CD27: variants seen among roughly 807,000 people sequenced by gnomAD.
The protein encoded by CD27 is CD27 molecule, also known as CD27 antigen.
In CD27, 16 loss-of-function variants were observed where a neutral mutation model predicts 25.9. That is an observed-to-expected ratio of 0.62 (90% CI 0.42 to 0.94). CD27 has a LOEUF of 0.94. Among genes scored for constraint, CD27 ranks in the 40% least tolerant of loss-of-function variants. CD27 has a pLI of 0.00. For synonymous variants in CD27, 142 were observed against 124.3 expected (o/e 1.14, Z -0.95); for missense variants, 300 against 333.2 (o/e 0.90, Z 0.78).
intron 2 of CD27, among the ~76,000 whole-genome samples, chr12:6,446,361 G>A (rs1949416910): frequency 2.0e-5 from 3 of 152,182 alleles, no homozygotes; most frequent in Non-Finnish European, 4.4e-5. Context: ...GAGTGCAGTG[G>A]TGCAATCATA....
intron 2 of CD27, among the ~76,000 whole-genome samples, chr12:6,446,184 G>T (rs1295230122): frequency 6.6e-6 from 1 of 152,160 alleles, no homozygotes; most frequent in East Asian, 1.9e-4. Context: ...AGGCTTTAAA[G>T]TGGCCCCTTT....
intron 2 of CD27, among the ~76,000 whole-genome samples, chr12:6,449,802 G>C (rs1949486874): frequency 6.6e-6 from 1 of 151,882 alleles, no homozygotes; most frequent in South Asian, 2.1e-4. Context: ...ACGAGCCAAG[G>C]TCACGCCATT....
In CD27 at chr12:6,450,252, G is replaced by A; in HGVS notation, c.348G>A (p.Glu116=). 4 of 1,613,890 alleles carry A rather than the reference G, an allele frequency of 2.5e-6. No individual in the cohort carries two copies. The highest frequency in any genetic ancestry group is 2.2e-5 in the East Asian group (1 of 44,884). ...CRNGWQCRDK[E]CTECDPLPNP... ...ATGGCTGGCAGTGCAGGGACAAGGA[G>A]TGCACCGAGTGTGATCCTCTTCCAA... The change falls in exon 3 of 6, where the codon GAG becomes GAA. Residue 116 remains glutamate (E), a synonymous_variant. Transcript: ENST00000266557. This position sits in a 1 kb window ranked among gnomAD's most constrained non-coding sequence, Gnocchi z 4.1.
In CD27 at chr12:6,450,096, G is replaced by A; in HGVS notation, c.269-77G>A. The A allele has an allele frequency of 7.3e-7, 1 of 1,361,106 alleles. No individual in the cohort carries two copies. Among genetic ancestry groups the A allele is most frequent in the African/African-American group, 1.4e-5 (1 of 70,322 alleles). The allele number at this position is 1,361,106 out of a possible 1,614,324, so 84.3% of individuals were successfully genotyped here. On this transcript the variant is annotated intron_variant, in intron 2 of 5. Coordinates refer to ENST00000266557, the MANE Select transcript of CD27 (RefSeq NM_001242.5). This position sits in a 1 kb window ranked among gnomAD's most constrained non-coding sequence, Gnocchi z 4.1. Reference sequence around the variant, plus strand: ...TAGAGGTGGGCCTGGGATGGGGGTTGGGGGATGAAGCAAGTGGACCTTGAA... The same window carrying A: ...TAGAGGTGGGCCTGGGATGGGGGTTAGGGGATGAAGCAAGTGGACCTTGAA...
chr12:6,445,939 ATCTT>A lies in CD27; in HGVS notation c.268+388_268+391del, dbSNP rs1949409894. 6.6e-6 allele frequency among the ~76,000 whole-genome samples: 1 copy of A among 152,204 alleles called. No individual in the cohort carries two copies. On this transcript the variant is annotated intron_variant, in intron 2 of 5. Coordinates refer to ENST00000266557, the MANE Select transcript of CD27 (RefSeq NM_001242.5). This position sits in a 1 kb window ranked among gnomAD's most constrained non-coding sequence, Gnocchi z 4.5. Reference sequence around the variant, plus strand: ...GTTGGCCATTGGGAATTTGGAATACATCTTTCTAAGGAAATAACAAAGCAACCCA... The same window carrying A: ...GTTGGCCATTGGGAATTTGGAATACATCTAAGGAAATAACAAAGCAACCCA...
Position 6,451,603 on chromosome 12 carries a change from C to A in CD27, c.*211C>A. ...GGAGAGTGGGAAGCAGGAGCCCAGC[C>A]AGCTGCGCCTGCGCTGCAGGAGGGC... On this transcript the variant is annotated 3_prime_UTR_variant, in exon 6 of 6. Transcript: ENST00000266557. 1 of 529,164 alleles carries A rather than the reference C, an allele frequency of 1.9e-6. No individual in the cohort carries two copies. 32.8% of individuals were successfully genotyped at this position (529,164 alleles called of 1,614,324 possible).
rs1372403785 is a variant in CD27, at chr12:6,445,051, A to C, written c.-45A>C. Reference sequence around the variant, plus strand: ...CTTGGAGGTGCTAACTCCAGAGGCCAGCATCAGCAACTGGGCACAGAAAGG... The same window carrying C: ...CTTGGAGGTGCTAACTCCAGAGGCCCGCATCAGCAACTGGGCACAGAAAGG... On this transcript the variant is annotated 5_prime_UTR_variant, in exon 1 of 6. Transcript: ENST00000266557. This position sits in a 1 kb window ranked among gnomAD's most constrained non-coding sequence, Gnocchi z 4.5. 6.4e-7 allele frequency: 1 copy of C among 1,567,560 alleles called. No individual in the cohort carries two copies. Among genetic ancestry groups the C allele is most frequent in the African/African-American group, 1.4e-5 (1 of 73,226 alleles).
At chr12:6,448,428 G>T (rs1040722113) in intron 2 of CD27, among the ~76,000 whole-genome samples, 1 of 152,034 alleles carries the variant, frequency 6.6e-6, no homozygotes, top group Non-Finnish European at 1.5e-5. Context: ...CCGCCCCCAG[G>T]ATAATTAACA....
chr12:6,445,063 T>G lies in CD27; in HGVS notation c.-33T>G, dbSNP rs1193858796. 6.3e-7 allele frequency: 1 copy of G among 1,581,718 alleles called. No homozygotes were observed. Among genetic ancestry groups the G allele is most frequent in the Non-Finnish European group, 8.6e-7 (1 of 1,167,602 alleles). ...AACTCCAGAGGCCAGCATCAGCAAC[T>G]GGGCACAGAAAGGAGCCGCCTGGGC... is the stretch of plus-strand genomic sequence containing the variant. On this transcript the variant is annotated 5_prime_UTR_variant, in exon 1 of 6. Transcript: ENST00000266557. The surrounding 1 kb of genome is among the most constrained non-coding windows in gnomAD (Gnocchi z 4.5).
At chr12:6,448,584 T>A (rs1949457642) in intron 2 of CD27, 1 of 152,226 alleles carries the variant, frequency 6.6e-6, no homozygotes, top group South Asian at 2.1e-4. Context: ...GCTAACACGG[T>A]GAAACCCCGT....
intron 2 of CD27, chr12:6,447,390 C>T (rs1436444050): frequency 6.6e-6 from 1 of 152,136 alleles, no homozygotes; most frequent in Non-Finnish European, 1.5e-5. Flanking sequence ...CCAATAGATC[C>T]CAAAGTACCA....
Position 6,451,309 on chromosome 12 carries a change from T to TCCCCAGGGAG in CD27, c.700_701insCCCCAGGGAG (p.Tyr234SerfsTer92). 1 of 1,614,032 alleles carries TCCCCAGGGAG rather than the reference T, an allele frequency of 6.2e-7. No homozygotes were observed. The highest frequency in any genetic ancestry group is 1.3e-5 in the African/African-American group (1 of 75,028). On this transcript the variant is annotated frameshift_variant, in exon 6 of 6. Transcript: ENST00000266557. LOFTEE classifies it high-confidence loss of function. ...TGTGGAGCCTGCAGAGCCTTGTCAT[T>TCCCCAGGGAG]ACAGCTGCCCCAGGGAGGAGGAGGG... is the stretch of plus-strand genomic sequence containing the variant.
chr12:6,445,925 G>A lies in CD27; in HGVS notation c.268+370G>A, dbSNP rs1949409689. ...GTGCACATGTGCAGGTTGGCCATTG[G>A]GAATTTGGAATACATCTTTCTAAGG... is the stretch of plus-strand genomic sequence containing the variant. On this transcript the variant is annotated intron_variant, in intron 2 of 5. Coordinates refer to ENST00000266557, the MANE Select transcript of CD27 (RefSeq NM_001242.5). This position sits in a 1 kb window ranked among gnomAD's most constrained non-coding sequence, Gnocchi z 4.5. 6.6e-6 allele frequency among the ~76,000 whole-genome samples: 1 copy of A among 152,078 alleles called. No individual in the cohort carries two copies. Among genetic ancestry groups the A allele is most frequent in the Non-Finnish European group, 1.5e-5 (1 of 68,024 alleles).
chr12:6,449,934 T>C (rs925395563), intron 2 of CD27, among the ~76,000 whole-genome samples: 6 of 152,214 alleles, frequency 3.9e-5, no homozygotes, highest in Admixed American at 1.3e-4. Context: ...ATGGTTTCTA[T>C]GTCTGAACCC....
intron 5 of CD27, 78 bp downstream of exon 5, chr12:6,451,092 A>G: frequency 1.3e-6 from 2 of 1,596,724 alleles, no homozygotes; most frequent in South Asian, 1.1e-5. Context: ...CCACGCCTGG[A>G]ATCTCACTGA....
chr12:6,450,073 G>A lies in CD27; in HGVS notation c.269-100G>A. 9.5e-7 allele frequency: 1 copy of A among 1,055,188 alleles called. No homozygotes were observed. Among genetic ancestry groups the A allele is most frequent in the East Asian group, 2.4e-5 (1 of 40,834 alleles). The allele number at this position is 1,055,188 out of a possible 1,614,324, so 65.4% of individuals were successfully genotyped here. On this transcript the variant is annotated intron_variant, in intron 2 of 5. Coordinates refer to ENST00000266557, the MANE Select transcript of CD27 (RefSeq NM_001242.5). The surrounding 1 kb of genome is among the most constrained non-coding windows in gnomAD (Gnocchi z 4.1). ...GAATGGAAAGGGAAGCACGTCCCTA[G>A]AGGTGGGCCTGGGATGGGGGTTGGG...
At position 6,445,310 on chromosome 12, in the gene CD27, G is replaced by T; in HGVS notation, c.136+79G>T. 2 of 1,609,598 alleles carry T rather than the reference G, an allele frequency of 1.2e-6. No homozygotes were observed. The highest frequency in any genetic ancestry group is 1.7e-6 in the Non-Finnish European group (2 of 1,177,272). On this transcript the variant is annotated intron_variant, in intron 1 of 5. Coordinates refer to ENST00000266557, the MANE Select transcript of CD27 (RefSeq NM_001242.5). The surrounding 1 kb of genome is among the most constrained non-coding windows in gnomAD (Gnocchi z 4.5). ...GGTTAATACAGTAAATAGGCGCAGG[G>T]TGAGACTGAGCTCAAGCAAGGAGGG...
Position 6,445,563 on chromosome 12 carries a change from G to A in CD27, c.268+8G>A. ...GTCGGCACTGTAACTCTGGTGAGGT[G>A]GGCAAGGGTGTGTAGGTGGGGACGA... On this transcript the variant is annotated splice_region_variant and intron_variant, in intron 2 of 5. Transcript: ENST00000266557. The surrounding 1 kb of genome is among the most constrained non-coding windows in gnomAD (Gnocchi z 4.5). 1.9e-6 allele frequency: 3 copies of A among 1,612,692 alleles called. No homozygotes were observed. The highest frequency in any genetic ancestry group is 1.7e-4 in the Middle Eastern group (1 of 6,056).
Position 6,450,190 on chromosome 12 carries a change from T to G in CD27, c.286T>G (p.Cys96Gly). Reference sequence around the variant, plus strand: ...TCCCCCAGGTCTTCTCGTTCGCAACTGCACCATCACTGCCAATGCTGAGTG... The same window carrying G: ...TCCCCCAGGTCTTCTCGTTCGCAACGGCACCATCACTGCCAATGCTGAGTG... ...HCNSGLLVRN[C>G]TITANAECAC... The change falls in exon 3 of 6, where the codon TGC becomes GGC. Residue 96 changes from cysteine to glycine, a missense_variant. Coordinates refer to ENST00000266557, the MANE Select transcript of CD27 (RefSeq NM_001242.5). This position sits in a 1 kb window ranked among gnomAD's most constrained non-coding sequence, Gnocchi z 4.1. 1 of 1,612,990 alleles carries G rather than the reference T, an allele frequency of 6.2e-7. No individual in the cohort carries two copies. Among genetic ancestry groups the G allele is most frequent in the Non-Finnish European group, 8.5e-7 (1 of 1,179,956 alleles).
Sources: allele counts gnomAD v4.1 joint callset (sites outside exome capture counted in the v4.1 genomes callset), GRCh38; gene constraint gnomAD v4.1.1; non-coding constraint Gnocchi (gnomAD v3.1); transcripts MANE v1.5; gene names NCBI Gene and HGNC (gene_info 2026-07-23, HGNC 2026-07-21).